Variants in PDE3B observed in about 807,000 individuals in gnomAD.
PDE3B encodes cGMP-inhibited 3',5'-cyclic phosphodiesterase 3B.
PDE3B carries 66 observed loss-of-function variants against 116.8 expected under a neutral mutation model. The ratio of observed to expected loss-of-function variants is 0.56; its 90% confidence interval spans 0.46 to 0.69. The LOEUF is 0.69. PDE3B is among the 30% of genes least tolerant of loss of function. The pLI, the probability that PDE3B is intolerant of heterozygous loss-of-function variation, is 0.00. For missense variants in PDE3B, 1,384 were observed against 1,368.1 expected, an observed-to-expected ratio of 1.01 and a Z score of -0.18; for synonymous variants, 595 against 533.6, an observed-to-expected ratio of 1.12 and a Z score of -1.59.
intron 1 of PDE3B, among the ~76,000 whole-genome samples, chr11:14,725,088 A>G (rs530774505): frequency 2.0e-5 from 3 of 152,324 alleles, no homozygotes; most frequent in Non-Finnish European, 4.4e-5. Flanking sequence ...GAAGAGGAAC[A>G]AGGCTTTTGA....
In PDE3B at chr11:14,845,297, A is replaced by G. The variant is rs1196905297; in HGVS notation, c.2520+1271A>G. 2.5e-3 allele frequency among the ~76,000 whole-genome samples: 381 copies of G among 151,596 alleles called. 2 individuals are homozygous for G. Among genetic ancestry groups the G allele is most frequent in the African/African-American group, 8.5e-3 (348 of 41,016 alleles). On this transcript the variant is annotated intron_variant, in intron 12 of 15. Coordinates refer to ENST00000282096, the MANE Select transcript of PDE3B (RefSeq NM_000922.4). ...GAGGGTCCTGTCTGTTAGAAGGAAA[A>G]CTAACAAACAGAAAGGACATCCACA...
chr11:14,695,411 G>A (rs1855176073), intron 1 of PDE3B, among the ~76,000 whole-genome samples: 1 of 152,002 alleles, frequency 6.6e-6, no homozygotes, highest in Admixed American at 6.6e-5. Context: ...GCTTGTGTGA[G>A]CATTTTTATA....
At chr11:14,696,751 C>G (rs998585770) in intron 1 of PDE3B, among the ~76,000 whole-genome samples, 1 of 151,948 alleles carries the variant, frequency 6.6e-6, no homozygotes, top group African/African-American at 2.4e-5. Context: ...TGGTCTGTGG[C>G]TTATCTCTTA....
intron 1 of PDE3B, among the ~76,000 whole-genome samples, chr11:14,758,717 G>A (rs1184954116): frequency 1.3e-5 from 2 of 150,970 alleles, no homozygotes; most frequent in Non-Finnish European, 2.9e-5. Flanking sequence ...GAGACGATGG[G>A]GTTTTCTAGA....
At chr11:14,739,492 G>A (rs1856701215) in intron 1 of PDE3B, among the ~76,000 whole-genome samples, 1 of 152,170 alleles carries the variant, frequency 6.6e-6, no homozygotes, top group Non-Finnish European at 1.5e-5. Flanking sequence ...TCAGCTTAAG[G>A]AGATTTTGGG....
chr11:14,663,075 A>T (rs1178504244), intron 1 of PDE3B, among the ~76,000 whole-genome samples: 5 of 149,456 alleles, frequency 3.3e-5, no homozygotes, highest in East Asian at 4.0e-4. Context: ...CGGGTTACCC[A>T]CAAAGGGAAG....
rs542565903 is a variant in PDE3B at position 14,796,843 on chromosome 11, C to G, written c.1416-7101C>G. Among the ~76,000 whole-genome samples, 10 of 152,290 alleles carry G rather than the reference C, an allele frequency of 6.6e-5. No homozygotes were observed. The East Asian group carries it at 1.9e-3, about 29-fold the overall frequency. On this transcript the variant is annotated intron_variant, in intron 4 of 15. Coordinates refer to ENST00000282096, the MANE Select transcript of PDE3B (RefSeq NM_000922.4). ...TGTTCACTCTGATGGATGGTAGTTTCTTTTGCTGTGCAGAAGCTCTTTAAT... is the reference window on the plus strand; with the variant it reads ...TGTTCACTCTGATGGATGGTAGTTTGTTTTGCTGTGCAGAAGCTCTTTAAT...
Position 14,870,956 on chromosome 11 carries a change from C to T in PDE3B, c.*1296C>T, listed in dbSNP as rs1416058681. The stretch of plus-strand genomic sequence containing the variant: ...ACTTGCTAGTGTGTGGATATGTACC[C>T]TACTTGTGAAATACATTTGAAGATA... On this transcript the variant is annotated 3_prime_UTR_variant, in exon 16 of 16. Coordinates refer to ENST00000282096, the MANE Select transcript of PDE3B (RefSeq NM_000922.4). The surrounding 1 kb of genome is among the most constrained non-coding windows in gnomAD (Gnocchi z 4.1). The T allele has an allele frequency of 6.6e-6, 1 of 152,062 alleles. No homozygotes were observed. The highest frequency in any genetic ancestry group is 1.5e-5 in the Non-Finnish European group (1 of 68,008). The allele number at this position is 152,062 out of a possible 1,614,324, so 9.4% of individuals were successfully genotyped here. A position where few individuals can be genotyped will look rare whatever the true frequency, so the allele number is the denominator to read the frequency against.
intron 1 of PDE3B, among the ~76,000 whole-genome samples, chr11:14,652,782 A>AT (rs1292001209): frequency 4.6e-5 from 7 of 152,098 alleles, no homozygotes; most frequent in African/African-American, 7.2e-5. Flanking sequence ...ATCATACAGT[A>AT]TTTTTTTGTG....
chr11:14,679,420 T>C (rs1390324253), intron 1 of PDE3B, among the ~76,000 whole-genome samples: 1 of 152,200 alleles, frequency 6.6e-6, no homozygotes, highest in Non-Finnish European at 1.5e-5. Flanking sequence ...TTTCTTGCTT[T>C]GTTTGTGCAT....
At chr11:14,653,962 C>T (rs1565074378) in intron 1 of PDE3B, among the ~76,000 whole-genome samples, 1 of 152,090 alleles carries the variant, frequency 6.6e-6, no homozygotes, top group South Asian at 2.1e-4. Flanking sequence ...TGTACCACTG[C>T]ACTGCTGCCT....
chr11:14,864,341 C>T (rs1473381866), intron 14 of PDE3B, among the ~76,000 whole-genome samples: 1 of 152,088 alleles, frequency 6.6e-6, no homozygotes, highest in Non-Finnish European at 1.5e-5. Flanking sequence ...CTCAGACTCC[C>T]ACAAAATAAT....
intron 1 of PDE3B, among the ~76,000 whole-genome samples, chr11:14,660,715 G>A (rs573431680): frequency 2.6e-5 from 4 of 152,196 alleles, no homozygotes; most frequent in African/African-American, 7.2e-5. Context: ...AGCTTCTGAA[G>A]TGCTTATAAT....
intron 12 of PDE3B, 89 bp downstream of exon 12, chr11:14,844,115 A>G (rs1239521109): frequency 2.2e-6 from 2 of 922,916 alleles, no homozygotes; most frequent in Non-Finnish European, 1.7e-6. Context: ...CAGTTGAATC[A>G]TATGTCCAAT....
chr11:14,735,935 C>G (rs1011674180), intron 1 of PDE3B, among the ~76,000 whole-genome samples: 1 of 149,608 alleles, frequency 6.7e-6, no homozygotes, highest in Non-Finnish European at 1.5e-5. Flanking sequence ...CACAAAAAAT[C>G]TGGATGTGCT....
At chr11:14,874,315 T>A (rs1441333356), downstream of PDE3B, among the ~76,000 whole-genome samples, 1 of 152,192 alleles carries the variant, frequency 6.6e-6, no homozygotes, top group African/African-American at 2.4e-5. Flanking sequence ...TAGCATTGGA[T>A]TTAGCCTGAA....
At chr11:14,674,150 T>C (rs1854459566) in intron 1 of PDE3B, 2 of 1,385,058 alleles carry the variant, frequency 1.4e-6, no homozygotes, top group Admixed American at 3.4e-5. Context: ...CGGGTCCTTT[T>C]CTTCCGAGGA....
chr11:14,801,839 G>A (rs1858779219), intron 4 of PDE3B, among the ~76,000 whole-genome samples: 1 of 152,222 alleles, frequency 6.6e-6, no homozygotes, highest in Non-Finnish European at 1.5e-5. Context: ...TGCCCAGAGT[G>A]GAGAAATCTG....
chr11:14,801,523 C>T (rs946343574), intron 4 of PDE3B, among the ~76,000 whole-genome samples: 1 of 152,204 alleles, frequency 6.6e-6, no homozygotes, highest in Non-Finnish European at 1.5e-5. Flanking sequence ...CCCAGAGGGA[C>T]ACCTGCCAGA....
Sources: gnomAD v4.1 joint callset for allele counts (sites outside exome capture counted in the v4.1 genomes callset) on GRCh38, gnomAD v4.1.1 for gene constraint, Gnocchi (gnomAD v3.1) non-coding constraint, MANE v1.5 for transcripts, NCBI Gene and HGNC (gene_info 2026-07-23, HGNC 2026-07-21) for gene names.